The following UTP6 variants were observed in gnomAD, a reference collection of about 807,000 sequenced individuals.
The protein encoded by UTP6 is U3 small nucleolar RNA-associated protein 6 homolog.
UTP6 carries 60 observed loss-of-function variants against 96.5 expected under a neutral mutation model. That is an observed-to-expected ratio of 0.62 (90% CI 0.51 to 0.77). The LOEUF is 0.77. Among genes scored for constraint, UTP6 ranks in the 30% least tolerant of loss-of-function variants. UTP6 has a pLI of 0.00. For missense variants in UTP6, 637 were observed against 706.5 expected (o/e 0.90, Z 1.12); for synonymous variants, 215 against 240.1 (o/e 0.90, Z 0.96).
chr17:31,883,186 T>C (rs1382121791), intron 10 of UTP6, among the ~76,000 whole-genome samples: 1 of 151,348 alleles, frequency 6.6e-6, no homozygotes, highest in Non-Finnish European at 1.5e-5. Context: ...AAAACATAAA[T>C]AAATAAAAAT....
chr17:31,898,122 G>A (rs1904763157), intron 2 of UTP6, among the ~76,000 whole-genome samples: 1 of 152,160 alleles, frequency 6.6e-6, no homozygotes, highest in Non-Finnish European at 1.5e-5. Context: ...AAGAGGAGGG[G>A]AAAAGTAAGT....
chr17:31,872,386 G>C (rs1236518078), intron 16 of UTP6, among the ~76,000 whole-genome samples: 11 of 151,844 alleles, frequency 7.2e-5, no homozygotes, highest in Admixed American at 6.6e-4. Context: ...AGAAAAAGAA[G>C]GCCAGGCATG....
At chr17:31,879,239 A>C (rs1337980043) in intron 11 of UTP6, among the ~76,000 whole-genome samples, 1 of 151,988 alleles carries the variant, frequency 6.6e-6, no homozygotes, top group Non-Finnish European at 1.5e-5. Context: ...AAAATACAAA[A>C]ATCCATGGGG....
rs1909596672 is a variant in UTP6, at chr17:31,862,603, T to A, written c.*756A>T. 1 of 150,966 alleles carries A rather than the reference T, an allele frequency of 6.6e-6. No homozygotes were observed. The highest frequency in any genetic ancestry group is 1.5e-5 in the Non-Finnish European group (1 of 67,984). 9.4% of individuals were successfully genotyped at this position (150,966 alleles called of 1,614,324 possible). A position where few individuals can be genotyped will look rare whatever the true frequency, so the allele number is the denominator to read the frequency against. Reference sequence around the variant, plus strand: ...TTTTTTCCTTGAGAAGGAGTTTCGCTCTTCTTACCCAGGATGGAGTAGCAA... The same window carrying A: ...TTTTTTCCTTGAGAAGGAGTTTCGCACTTCTTACCCAGGATGGAGTAGCAA... On this transcript the variant is annotated 3_prime_UTR_variant, in exon 19 of 19. Coordinates refer to ENST00000261708, the MANE Select transcript of UTP6 (RefSeq NM_018428.3).
rs772577255 is a variant in UTP6, at chr17:31,875,415, T to G, written c.1126-2A>C. The G allele has an allele frequency of 6.2e-7, 1 of 1,611,178 alleles. No homozygotes were observed. The highest frequency in any genetic ancestry group is 1.1e-5 in the South Asian group (1 of 90,980). ...GTTATAACACAGCAACGAAACACTC[T>G]AGACAAGATGAAGGATGACTGGAAA... On this transcript the variant is annotated splice_acceptor_variant, in intron 13 of 18. Transcript: ENST00000261708. LOFTEE classifies it high-confidence loss of function.
chr17:31,870,610 C>T lies in UTP6; in HGVS notation c.1497-2498G>A, dbSNP rs543478673. The stretch of plus-strand genomic sequence containing the variant: ...AATCTCAGCTCACTGCAAGCTCCGC[C>T]TCCCGGGTTCATGCCATTCTCCTGC... On this transcript the variant is annotated intron_variant, in intron 16 of 18. Coordinates refer to ENST00000261708, the MANE Select transcript of UTP6 (RefSeq NM_018428.3). 2.0e-5 allele frequency among the ~76,000 whole-genome samples: 3 copies of T among 151,428 alleles called. No homozygotes were observed. In the South Asian group the frequency reaches 6.3e-4, roughly 32 times the overall value.
intron 2 of UTP6, among the ~76,000 whole-genome samples, chr17:31,896,081 ATTGT>A (rs1437917226): frequency 7.0e-6 from 1 of 143,498 alleles, no homozygotes; most frequent in Non-Finnish European, 1.5e-5. Context: ...GTTTTTTTTT[ATTGT>A]TTGTTTTTTT....
At chr17:31,888,888 G>A (rs970285057) in intron 7 of UTP6, among the ~76,000 whole-genome samples, 1 of 151,966 alleles carries the variant, frequency 6.6e-6, no homozygotes, top group African/African-American at 2.4e-5. Flanking sequence ...TGGCTAACAT[G>A]GTAAAACCCC....
chr17:31,867,674 C>T (rs1255263138), intron 17 of UTP6, among the ~76,000 whole-genome samples: 1 of 151,776 alleles, frequency 6.6e-6, no homozygotes, highest in African/African-American at 2.4e-5. Flanking sequence ...AAAACACTCC[C>T]GGGCCAGGCA....
intron 16 of UTP6, among the ~76,000 whole-genome samples, chr17:31,870,723 C>T (rs1415522731): frequency 7.3e-5 from 11 of 151,700 alleles, no homozygotes; most frequent in African/African-American, 2.7e-4. Context: ...CAGGGTTTCA[C>T]CATATTAGCC....
At chr17:31,882,839 G>A (rs1462224793) in intron 10 of UTP6, among the ~76,000 whole-genome samples, 6 of 151,908 alleles carry the variant, frequency 3.9e-5, no homozygotes, top group Admixed American at 3.9e-4. Flanking sequence ...AGGCTGGGGT[G>A]CAGTGATGCA....
At chr17:31,896,071 G>T (rs903598400) in intron 2 of UTP6, among the ~76,000 whole-genome samples, 3 of 149,434 alleles carry the variant, frequency 2.0e-5, no homozygotes, top group East Asian at 4.0e-4. Flanking sequence ...CCTACACCTG[G>T]TTTTTTTTTA....
intron 12 of UTP6, 114 bp downstream of exon 12, chr17:31,878,588 G>A (rs1910635660): frequency 9.7e-7 from 1 of 1,034,436 alleles, no homozygotes. Flanking sequence ...GAGAGAGAGT[G>A]GCTAAACATA....
intron 12 of UTP6, 45 bp downstream of exon 12, chr17:31,878,657 G>A (rs764798839): frequency 6.5e-7 from 1 of 1,542,322 alleles, no homozygotes; most frequent in East Asian, 2.2e-5. Flanking sequence ...CTTTCAGAAG[G>A]CAGTCACTAT....
intron 11 of UTP6, 148 bp downstream of exon 11, chr17:31,880,425 T>TAA (rs775836222): frequency 5.4e-3 from 3,597 of 663,140 alleles, no homozygotes; most frequent in Non-Finnish European, 5.9e-3. Flanking sequence ...TGCCTCCCAA[T>TAA]AAAAAAAAAA....
At chr17:31,863,981 G>A (rs1207051582) in intron 18 of UTP6, among the ~76,000 whole-genome samples, 2 of 152,086 alleles carry the variant, frequency 1.3e-5, no homozygotes, top group African/African-American at 2.4e-5. Flanking sequence ...GATTACAGGC[G>A]TGAGCCACTG....
intron 7 of UTP6, chr17:31,887,908 C>A (rs1363321009): frequency 7.2e-6 from 1 of 138,322 alleles, no homozygotes; most frequent in Non-Finnish European, 1.5e-5. Context: ...TTGCAGTGAG[C>A]CAAGAACACA....
At chr17:31,898,871 T>C (rs1348212824) in intron 2 of UTP6, among the ~76,000 whole-genome samples, 1 of 151,964 alleles carries the variant, frequency 6.6e-6, no homozygotes, top group African/African-American at 2.4e-5. Flanking sequence ...CAAAACCCAG[T>C]CTCTACTAAA....
At chr17:31,895,916 A>G (rs12943452) in intron 2 of UTP6, among the ~76,000 whole-genome samples, 1 of 151,172 alleles carries the variant, frequency 6.6e-6, no homozygotes, top group Non-Finnish European at 1.5e-5. Flanking sequence ...CTGTAATCCC[A>G]GCTACTTGGG....
Sources: allele counts gnomAD v4.1 joint callset (sites outside exome capture counted in the v4.1 genomes callset), GRCh38; gene constraint gnomAD v4.1.1; transcripts MANE v1.5; gene names NCBI Gene and HGNC (gene_info 2026-07-23, HGNC 2026-07-21).